Variants in ATP2C1 observed in about 807,000 individuals in gnomAD.
The protein encoded by ATP2C1 is calcium-transporting ATPase type 2C member 1.
In ATP2C1, 31 loss-of-function variants were observed where a neutral mutation model predicts 120.5. That is an observed-to-expected ratio of 0.26 (90% CI 0.19 to 0.35). The LOEUF is 0.35. Ranked by LOEUF, ATP2C1 falls within the 10% of genes least tolerant of loss-of-function variation. The pLI, the probability that ATP2C1 is intolerant of heterozygous loss-of-function variation, is 1.00. For synonymous variants in ATP2C1, 351 were observed against 358.7 expected, an observed-to-expected ratio of 0.98 and a Z score of 0.24; for missense variants, 731 against 1,107.5, an observed-to-expected ratio of 0.66 and a Z score of 4.83.
intron 1 of ATP2C1, among the ~76,000 whole-genome samples, chr3:130,872,187 C>T (rs1048315889): frequency 1.3e-5 from 2 of 152,086 alleles, no homozygotes; most frequent in African/African-American, 4.8e-5. Context: ...AAGATATAAT[C>T]CTTGTTAGGT....
intron 17 of ATP2C1, among the ~76,000 whole-genome samples, chr3:130,972,090 A>C (rs2061342121): frequency 6.6e-6 from 1 of 152,180 alleles, no homozygotes; most frequent in South Asian, 2.1e-4. Context: ...GGTCCACCTC[A>C]GATCCTCAGG....
intron 2 of ATP2C1, among the ~76,000 whole-genome samples, chr3:130,920,592 A>G (rs1246449660): frequency 6.6e-6 from 1 of 152,120 alleles, no homozygotes; most frequent in African/African-American, 2.4e-5. Context: ...TAATATTAAT[A>G]TATTTTGAAA....
At chr3:130,995,976 G>A in intron 22 of ATP2C1, 67 bp from the exon 23 acceptor site, 1 of 1,052,920 alleles carries the variant, frequency 9.5e-7, no homozygotes, top group South Asian at 1.3e-5. Context: ...GCTCTACAGT[G>A]TTTTAGTATA....
intron 1 of ATP2C1, among the ~76,000 whole-genome samples, chr3:130,860,866 C>T (rs1210796301): frequency 2.6e-5 from 4 of 152,070 alleles, no homozygotes; most frequent in African/African-American, 9.7e-5. Flanking sequence ...TGGAAGATAC[C>T]TTAAATCTTT....
At chr3:130,937,394 A>G in intron 5 of ATP2C1, 34 bp from the exon 6 acceptor site, 1 of 1,589,068 alleles carries the variant, frequency 6.3e-7, no homozygotes, top group South Asian at 1.1e-5. Flanking sequence ...TCTCAAGTTA[A>G]TGTCTGATTT....
chr3:130,997,718 ATTGT>A lies in ATP2C1; in HGVS notation c.2361_2364del (p.Cys788GlyfsTer14), dbSNP rs1389545597. On this transcript the variant is annotated frameshift_variant, in exon 25 of 28. Transcript: ENST00000510168. LOFTEE classifies it high-confidence loss of function. Reference sequence around the variant, plus strand: ...TAAAATACTTGTTTCATCAATAATCATTGTTTGTGGGACTTTGTTTGTCTTCTGG... The same window carrying A: ...TAAAATACTTGTTTCATCAATAATCATTGTGGGACTTTGTTTGTCTTCTGG... The A allele has an allele frequency of 6.2e-7, 1 of 1,613,694 alleles. No individual in the cohort carries two copies.
intron 6 of ATP2C1, among the ~76,000 whole-genome samples, chr3:130,939,204 C>G (rs2059794067): frequency 1.3e-5 from 2 of 152,130 alleles, no homozygotes; most frequent in Admixed American, 6.5e-5. Context: ...ATGCTTTAAT[C>G]AAAAAGCTCT....
intron 8 of ATP2C1, among the ~76,000 whole-genome samples, chr3:130,941,948 T>C (rs1255804953): frequency 6.6e-6 from 1 of 152,136 alleles, no homozygotes; most frequent in Admixed American, 6.5e-5. Flanking sequence ...CTGTGGGAGA[T>C]ACAAAGATGA....
chr3:130,973,096 C>A (rs186495982), intron 17 of ATP2C1, among the ~76,000 whole-genome samples: 1 of 151,912 alleles, frequency 6.6e-6, no homozygotes, highest in Non-Finnish European at 1.5e-5. Flanking sequence ...ACAGAAGATC[C>A]AGTAATTACC....
intron 26 of ATP2C1, among the ~76,000 whole-genome samples, chr3:131,015,679 G>A (rs535690601): frequency 6.6e-6 from 1 of 152,124 alleles, no homozygotes; most frequent in African/African-American, 2.4e-5. Flanking sequence ...TTTAATATCT[G>A]AATGAATGAG....
At chr3:130,940,109 G>A (rs2059829724) in intron 6 of ATP2C1, among the ~76,000 whole-genome samples, 1 of 152,318 alleles carries the variant, frequency 6.6e-6, no homozygotes, top group Admixed American at 6.5e-5. Flanking sequence ...GGATACACAG[G>A]TTGATGGGAA....
At position 130,902,284 on chromosome 3, in the gene ATP2C1, GTTTTTTTTTTTTGTTTTTTTTTT is replaced by G. The variant is rs1280835805; in HGVS notation, c.6+7522_6+7544del. On this transcript the variant is annotated intron_variant, in intron 2 of 27. Transcript: ENST00000510168. ...TTAACTGCTAATTTCAAGGCTTCAC[GTTTTTTTTTTTTGTTTTTTTTTT>G]TTTTTTTTTTTTTTTCTGAGAGGTG... 1.4e-4 allele frequency among the ~76,000 whole-genome samples: 9 copies of G among 65,504 alleles called. No individual in the cohort carries two copies. The East Asian group carries it at 1.8e-3, about 13-fold the overall frequency. 43.0% of individuals were successfully genotyped at this position (65,504 alleles called of 152,430 possible).
At chr3:130,893,846 C>T, upstream of ATP2C1, 1 of 852,896 alleles carries the variant, frequency 1.2e-6, no homozygotes. Context: ...GGGCCACCAA[C>T]CCCGAGCGAC....
chr3:130,894,149 T>TA lies in ATP2C1; in HGVS notation c.-369_-368insA. On this transcript the variant is annotated 5_prime_UTR_variant, in exon 1 of 28. Transcript: ENST00000510168. This position sits in a 1 kb window ranked among gnomAD's most constrained non-coding sequence, Gnocchi z 4.5. ...ACGGGTCCCCTCACCTCCTCTTCTC[T>TA]CCCCTCCCCGCCCGCCCTCTCTCCC... The TA allele has an allele frequency of 2.9e-6, 2 of 694,856 alleles. No individual in the cohort carries two copies. Among genetic ancestry groups the TA allele is most frequent in the Non-Finnish European group, 3.5e-6 (2 of 565,210 alleles). The allele number at this position is 694,856 out of a possible 1,614,324, so 43.0% of individuals were successfully genotyped here.
intron 2 of ATP2C1, among the ~76,000 whole-genome samples, chr3:130,922,146 T>A (rs1226032784): frequency 1.3e-5 from 2 of 152,222 alleles, no homozygotes; most frequent in Non-Finnish European, 2.9e-5. Context: ...CACTTGTTAT[T>A]GGTCTGTTCA....
At chr3:130,947,243 C>A (rs2060191971) in intron 8 of ATP2C1, among the ~76,000 whole-genome samples, 1 of 151,578 alleles carries the variant, frequency 6.6e-6, no homozygotes, top group Non-Finnish European at 1.5e-5. Context: ...CTGGTCCATC[C>A]ACCACATTAA....
At chr3:130,880,116 A>T (rs563362940) in intron 1 of ATP2C1, among the ~76,000 whole-genome samples, 1 of 152,290 alleles carries the variant, frequency 6.6e-6, no homozygotes, top group South Asian at 2.1e-4. Context: ...TAAAAGATAT[A>T]CTATAATTAT....
intron 2 of ATP2C1, chr3:130,918,420 T>G (rs1251679877): frequency 9.6e-7 from 1 of 1,042,242 alleles, no homozygotes; most frequent in Non-Finnish European, 1.5e-6. Flanking sequence ...CTCAGCAGCA[T>G]GTACGGAATC....
exon 27 of ATP2C1, chr3:131,016,493 T>A: frequency 1.3e-6 from 1 of 798,190 alleles, no homozygotes; most frequent in South Asian, 1.8e-5. Flanking sequence ...CCTTGCTGTA[T>A]AAATTGAAAT....
Sources: allele counts gnomAD v4.1 joint callset (sites outside exome capture counted in the v4.1 genomes callset), GRCh38; gene constraint gnomAD v4.1.1; non-coding constraint Gnocchi (gnomAD v3.1); transcripts MANE v1.5; gene names NCBI Gene and HGNC (gene_info 2026-07-23, HGNC 2026-07-21).